Variants in TTL observed in about 807,000 individuals in gnomAD.
TTL encodes the protein tubulin--tyrosine ligase.
In TTL, 10 loss-of-function variants were observed where a neutral mutation model predicts 41.1. The ratio of observed to expected loss-of-function variants is 0.24; its 90% CI spans 0.15 to 0.41. The LOEUF (loss-of-function observed/expected upper bound fraction) is 0.41. Ranked by LOEUF, TTL falls within the 10% of genes least tolerant of loss-of-function variation. The probability of loss-of-function intolerance (pLI) is 1.00; values close to 1 mark genes in which losing one functional copy is unlikely to be tolerated. For missense variants in TTL, 367 were observed against 460.4 expected (o/e 0.80, Z 1.86); for synonymous variants, 175 against 175.5 (o/e 1.00, Z 0.02).
At chr2:112,509,589 T>C (rs7606392) in intron 5 of TTL, among the ~76,000 whole-genome samples, 36,767 of 151,672 alleles carry the variant, frequency 0.24, 4,659 homozygotes, top group African/African-American at 0.32. Context: ...CAGGTGCGTC[T>C]GTCACCCCTT....
At chr2:112,510,012 G>A (rs1681883461) in intron 5 of TTL, among the ~76,000 whole-genome samples, 1 of 152,090 alleles carries the variant, frequency 6.6e-6, no homozygotes, top group Non-Finnish European at 1.5e-5. Flanking sequence ...CAAAAAATTA[G>A]CTTTTGGTTT....
intron 5 of TTL, among the ~76,000 whole-genome samples, chr2:112,503,397 G>A (rs1681752287): frequency 7.7e-6 from 1 of 130,600 alleles, no homozygotes; most frequent in Non-Finnish European, 1.6e-5. Context: ...ATGTGTGTGT[G>A]TGTGTGTATA....
intron 2 of TTL, among the ~76,000 whole-genome samples, chr2:112,491,525 G>A (rs1378841455): frequency 6.6e-6 from 1 of 152,094 alleles, no homozygotes; most frequent in Non-Finnish European, 1.5e-5. Flanking sequence ...TTCATTTTTT[G>A]TAAATTATAT....
At chr2:112,520,951 G>C (rs1331449444) in intron 6 of TTL, among the ~76,000 whole-genome samples, 1 of 152,150 alleles carries the variant, frequency 6.6e-6, no homozygotes, top group Non-Finnish European at 1.5e-5. Context: ...CCTGTGCTCA[G>C]GTGGGTGGGA....
chr2:112,521,106 G>T (rs1682214116), intron 6 of TTL: 1 of 884,264 alleles, frequency 1.1e-6, no homozygotes, highest in African/African-American at 1.8e-5. Context: ...AGACATGGGG[G>T]GTCTGGAGCT....
rs1472521873 is a variant in TTL at position 112,534,895 on chromosome 2, A to G, written c.*6100A>G. On this transcript the variant is annotated 3_prime_UTR_variant, in exon 7 of 7. Transcript: ENST00000233336. Reference sequence around the variant, plus strand: ...TTCGTCTGACCTTAAGTGTCTGCACAAACAGAGAGGACAGAGGCAGAAGGA... The same window carrying G: ...TTCGTCTGACCTTAAGTGTCTGCACGAACAGAGAGGACAGAGGCAGAAGGA... The G allele has an allele frequency of 6.6e-6, 1 of 152,194 alleles. No homozygotes were observed. The highest frequency in any genetic ancestry group is 6.6e-5 in the Admixed American group (1 of 15,258). The allele number at this position is 152,194 out of a possible 1,614,324, so 9.4% of individuals were successfully genotyped here.
intron 2 of TTL, among the ~76,000 whole-genome samples, chr2:112,488,707 G>A (rs149419579): frequency 2.4e-4 from 36 of 151,130 alleles, no homozygotes; most frequent in Non-Finnish European, 2.9e-5. Flanking sequence ...GCAGTGAGCC[G>A]AGATCATGCC....
intron 1 of TTL, among the ~76,000 whole-genome samples, chr2:112,484,423 C>T (rs925130005): frequency 6.6e-6 from 1 of 151,610 alleles, no homozygotes; most frequent in African/African-American, 2.4e-5. Context: ...ATCACCATGC[C>T]CAGCTAATTT....
chr2:112,513,565 A>ATATGCATATAAATATT, intron 5 of TTL, among the ~76,000 whole-genome samples: 6 of 148,928 alleles, frequency 4.0e-5, no homozygotes, highest in African/African-American at 1.5e-4. Flanking sequence ...ATTTATACAA[A>ATATGCATATAAATATT]TATACATATA....
In TTL at chr2:112,538,515, TC is replaced by T. The variant is rs1380282842; in HGVS notation, c.*9722del. On this transcript the variant is annotated 3_prime_UTR_variant, in exon 7 of 7. Transcript: ENST00000233336. ...AGCTAGGCTGAGCACGGTGGCTCAC[TC>T]CTATAATCTCAGCACTTTTAGGAGG... The T allele has an allele frequency of 2.0e-5, 3 of 152,270 alleles. No homozygotes were observed. Among genetic ancestry groups the T allele is most frequent in the Admixed American group, 6.5e-5 (1 of 15,290 alleles). The allele number at this position is 152,270 out of a possible 1,614,324, so 9.4% of individuals were successfully genotyped here. A position where few individuals can be genotyped will look rare whatever the true frequency, so the allele number is the denominator to read the frequency against.
intron 6 of TTL, among the ~76,000 whole-genome samples, chr2:112,521,948 C>A (rs1682245881): frequency 6.6e-6 from 1 of 152,168 alleles, no homozygotes; most frequent in African/African-American, 2.4e-5. Flanking sequence ...TCCGCACCTT[C>A]CCTCACCAAA....
Position 112,533,962 on chromosome 2 carries a change from C to T in TTL, c.*5167C>T, listed in dbSNP as rs1481266658. On this transcript the variant is annotated 3_prime_UTR_variant, in exon 7 of 7. Coordinates refer to ENST00000233336, the MANE Select transcript of TTL (RefSeq NM_153712.5). Reference sequence around the variant, plus strand: ...TCAGTGGGCATAATAGAGTAACAACCTCTGAAAACCCTCTCTTCCATAAAA... The same window carrying T: ...TCAGTGGGCATAATAGAGTAACAACTTCTGAAAACCCTCTCTTCCATAAAA... The T allele has an allele frequency of 6.6e-6, 1 of 152,120 alleles. No individual in the cohort carries two copies. Among genetic ancestry groups the T allele is most frequent in the Admixed American group, 6.6e-5 (1 of 15,260 alleles). The allele number at this position is 152,120 out of a possible 1,614,324, so 9.4% of individuals were successfully genotyped here. A position where few individuals can be genotyped will look rare whatever the true frequency, so the allele number is the denominator to read the frequency against.
rs1453889302 is a variant in TTL at position 112,536,673 on chromosome 2, A to T, written c.*7878A>T. ...TAATGGTTAGCTTTCCAATCCTTGC[A>T]CCCCTCCCTCCCTTCTCCCTCTTGT... On this transcript the variant is annotated 3_prime_UTR_variant, in exon 7 of 7. Coordinates refer to ENST00000233336, the MANE Select transcript of TTL (RefSeq NM_153712.5). 1 of 151,628 alleles carries T rather than the reference A, an allele frequency of 6.6e-6. No individual in the cohort carries two copies. Among genetic ancestry groups the T allele is most frequent in the Non-Finnish European group, 1.5e-5 (1 of 67,926 alleles). The allele number at this position is 151,628 out of a possible 1,614,324, so 9.4% of individuals were successfully genotyped here.
At position 112,535,564 on chromosome 2, in the gene TTL, T is replaced by G. The variant is rs1387589815; in HGVS notation, c.*6769T>G. 6.7e-6 allele frequency: 1 copy of G among 148,246 alleles called. No individual in the cohort carries two copies. 9.2% of individuals were successfully genotyped at this position (148,246 alleles called of 1,614,324 possible). A position where few individuals can be genotyped will look rare whatever the true frequency, so the allele number is the denominator to read the frequency against. On this transcript the variant is annotated 3_prime_UTR_variant, in exon 7 of 7. Transcript: ENST00000233336. ...GTAAAAAATGACAAGGAAACAGAAA[T>G]GTTACACTAGAAAATATATAAGAAA...
intron 2 of TTL, among the ~76,000 whole-genome samples, chr2:112,489,085 T>C (rs576731072): frequency 1.3e-5 from 2 of 152,188 alleles, no homozygotes; most frequent in East Asian, 3.9e-4. Flanking sequence ...AGACGCCGTC[T>C]CAAAAAAGAA....
chr2:112,509,287 C>A (rs1681857506), intron 5 of TTL, among the ~76,000 whole-genome samples: 1 of 149,790 alleles, frequency 6.7e-6, no homozygotes, highest in African/African-American at 2.5e-5. Flanking sequence ...TGCCCTGCCC[C>A]CAGAGGTGGA....
chr2:112,497,456 G>A (rs1036358264), intron 3 of TTL, among the ~76,000 whole-genome samples: 3 of 152,182 alleles, frequency 2.0e-5, no homozygotes, highest in Admixed American at 2.0e-4. Context: ...CTAACAGGGA[G>A]CAGTTCATGA....
intron 2 of TTL, among the ~76,000 whole-genome samples, chr2:112,487,548 G>A (rs1559009708): frequency 6.6e-6 from 1 of 152,206 alleles, no homozygotes. Context: ...ATATTTTGCA[G>A]TTATAGTGAA....
intron 3 of TTL, 150 bp downstream of exon 3, chr2:112,494,525 T>G: frequency 1.5e-6 from 1 of 645,954 alleles, no homozygotes; most frequent in South Asian, 2.0e-5. Flanking sequence ...TACTGATGCC[T>G]TCTAAATGTC....
Sources: allele counts gnomAD v4.1 joint callset (sites outside exome capture counted in the v4.1 genomes callset), GRCh38; gene constraint gnomAD v4.1.1; transcripts MANE v1.5; gene names NCBI Gene and HGNC (gene_info 2026-07-23, HGNC 2026-07-21).